PLCD4: variants seen among roughly 807,000 people sequenced by gnomAD.
PLCD4 encodes phospholipase C delta 4.
Under a neutral mutation model 90.2 loss-of-function variants are expected in PLCD4, and 63 were observed. The ratio of observed to expected loss-of-function variants is 0.70; its 90% CI spans 0.57 to 0.86. PLCD4 has a LOEUF of 0.86. PLCD4 is among the 40% of genes least tolerant of loss of function. The pLI is 0.00. For synonymous variants in PLCD4, 294 were observed against 356.5 expected (o/e 0.82, Z 1.97); for missense variants, 830 against 956.3 (o/e 0.87, Z 1.74).
chr2:218,615,004 G>A (rs1184058099), intron 1 of PLCD4, among the ~76,000 whole-genome samples: 4 of 152,122 alleles, frequency 2.6e-5, no homozygotes, highest in Middle Eastern at 3.4e-3. Flanking sequence ...CGAGGTGGGC[G>A]GATCACGAGG....
At chr2:218,620,214 G>A (rs1162625334) in intron 4 of PLCD4, among the ~76,000 whole-genome samples, 3 of 152,078 alleles carry the variant, frequency 2.0e-5, no homozygotes, top group Non-Finnish European at 4.4e-5. Context: ...AATTAGCCAG[G>A]TGTGGCCAGG....
At chr2:218,625,131 AAGAAAGAAAGAAAG>A (rs1696058195) in intron 6 of PLCD4, among the ~76,000 whole-genome samples, 6 of 146,894 alleles carry the variant, frequency 4.1e-5, no homozygotes, top group African/African-American at 1.3e-4. Flanking sequence ...AAAAAAAAAA[AAGAAAGAAAGAAAG>A]AAAAAAGAAA....
chr2:218,621,221 C>T (rs13026613), intron 4 of PLCD4, among the ~76,000 whole-genome samples: 6,239 of 152,290 alleles, frequency 0.041, 169 homozygotes, highest in East Asian at 0.12. Flanking sequence ...CACGAGCCAT[C>T]GCGTCTGGCC....
intron 5 of PLCD4, 60 bp downstream of exon 5, chr2:218,621,659 A>G: frequency 6.2e-7 from 1 of 1,601,788 alleles, no homozygotes; most frequent in Non-Finnish European, 8.5e-7. Flanking sequence ...TTTGGCCAGA[A>G]GTCCTCTGAC....
chr2:218,621,071 A>G (rs1406875879), intron 4 of PLCD4, among the ~76,000 whole-genome samples: 1 of 152,140 alleles, frequency 6.6e-6, no homozygotes, highest in Non-Finnish European at 1.5e-5. Flanking sequence ...CTGGAACGAC[A>G]GGTGTGTGCT....
intron 4 of PLCD4, among the ~76,000 whole-genome samples, chr2:218,620,815 A>C (rs1695837941): frequency 7.1e-6 from 1 of 141,346 alleles, no homozygotes; most frequent in Non-Finnish European, 1.5e-5. Flanking sequence ...AATCTCTTGG[A>C]CCCAGGAGAT....
intron 4 of PLCD4, 163 bp downstream of exon 4, chr2:218,618,970 A>C (rs1234725522): frequency 1.6e-6 from 1 of 629,090 alleles, no homozygotes; most frequent in East Asian, 2.8e-5. Flanking sequence ...GAGACTGAGA[A>C]TACTGAGGGA....
intron 1 of PLCD4, among the ~76,000 whole-genome samples, chr2:218,608,783 T>A (rs1269428583): frequency 6.6e-6 from 1 of 152,146 alleles, no homozygotes; most frequent in Non-Finnish European, 1.5e-5. Flanking sequence ...GGGCTAAGGA[T>A]CTCAATTTCA....
At chr2:218,621,635 A>G in intron 5 of PLCD4, 36 bp downstream of exon 5, 1 of 1,612,228 alleles carries the variant, frequency 6.2e-7, no homozygotes, top group Non-Finnish European at 8.5e-7. Context: ...GCGGCCAACC[A>G]GGCCACATTT....
chr2:218,624,956 C>A (rs2106143769), intron 6 of PLCD4, among the ~76,000 whole-genome samples: 1 of 150,774 alleles, frequency 6.6e-6, no homozygotes, highest in South Asian at 2.1e-4. Flanking sequence ...ACTAAAAACA[C>A]AAAAAATTAG....
At chr2:218,610,150 A>G (rs1022189717) in intron 1 of PLCD4, among the ~76,000 whole-genome samples, 12 of 152,074 alleles carry the variant, frequency 7.9e-5, no homozygotes, top group African/African-American at 2.9e-4. Context: ...AATTTTTTTT[A>G]TAGTGAACTG....
intron 4 of PLCD4, among the ~76,000 whole-genome samples, chr2:218,620,106 C>T (rs1410967048): frequency 1.3e-5 from 2 of 152,126 alleles, no homozygotes; most frequent in Non-Finnish European, 2.9e-5. Context: ...TCTCTAACTC[C>T]TGGGCTCAAG....
Position 218,634,334 on chromosome 2 carries a change from A to C in PLCD4, c.1723+113A>C. The C allele has an allele frequency of 6.4e-7, 1 of 1,573,604 alleles. No individual in the cohort carries two copies. Among genetic ancestry groups the C allele is most frequent in the Non-Finnish European group, 8.6e-7 (1 of 1,158,080 alleles). ...CTCAAGAAAATTGCTAGGCTGAGAA[A>C]TGCTATCAGTGGATATTACCAGCAG... On this transcript the variant is annotated intron_variant, in intron 12 of 15. Transcript: ENST00000450993. This position sits in a 1 kb window ranked among gnomAD's most constrained non-coding sequence, Gnocchi z 4.0.
At position 218,622,818 on chromosome 2, in the gene PLCD4, A is replaced by G. The variant is rs1407974596; in HGVS notation, c.712A>G (p.Arg238Gly). The change falls in exon 6 of 16, where the codon AGA becomes GGA. Residue 238 changes from arginine to glycine, a missense_variant. By Grantham distance (125) the Arg-to-Gly change is moderately radical (BLOSUM62 -2). Coordinates refer to ENST00000450993, the MANE Select transcript of PLCD4 (RefSeq NM_032726.4). ...TTTCCTCCAAGAGGAGCAGAAGGAGAGAGACTGCACCTCTGAGCTTGCTCT... is the reference window on the plus strand; with the variant it reads ...TTTCCTCCAAGAGGAGCAGAAGGAGGGAGACTGCACCTCTGAGCTTGCTCT... The part of the protein sequence containing the change: ...LDFLQEEQKE[R>G]DCTSELALEL... The G allele has an allele frequency of 1.2e-6, 2 of 1,613,880 alleles. No individual in the cohort carries two copies. Among genetic ancestry groups the G allele is most frequent in the Non-Finnish European group, 1.7e-6 (2 of 1,179,892 alleles).
At chr2:218,622,159 C>T (rs1338532030) in intron 5 of PLCD4, 2 of 153,556 alleles carry the variant, frequency 1.3e-5, no homozygotes, top group African/African-American at 4.8e-5. Flanking sequence ...TATGTTGGAC[C>T]TCAAGGACCT....
At chr2:218,633,486 G>A in intron 10 of PLCD4, 119 bp from the exon 11 acceptor site, 1 of 1,202,232 alleles carries the variant, frequency 8.3e-7, no homozygotes, top group African/African-American at 1.5e-5. Flanking sequence ...CGGCAGGTGA[G>A]GCAGGAGGGA....
chr2:218,611,629 C>T (rs1281661063), intron 1 of PLCD4, among the ~76,000 whole-genome samples: 1 of 152,150 alleles, frequency 6.6e-6, no homozygotes, highest in Non-Finnish European at 1.5e-5. Flanking sequence ...GAGAGAGTCT[C>T]ACTCCGTCAC....
At chr2:218,636,138 G>T in intron 14 of PLCD4, 105 bp from the exon 15 acceptor site, 2 of 1,417,060 alleles carry the variant, frequency 1.4e-6, no homozygotes, top group South Asian at 1.3e-5. Flanking sequence ...TTCCTTACCT[G>T]TAAAATGCTG....
Position 218,634,278 on chromosome 2 carries a change from A to T in PLCD4, c.1723+57A>T. ...GTGGAGGAGCAGCAGGTGGGAAATAAGTTCTCTAGTGATGGTAGGGTTGGG... is the reference window on the plus strand; with the variant it reads ...GTGGAGGAGCAGCAGGTGGGAAATATGTTCTCTAGTGATGGTAGGGTTGGG... On this transcript the variant is annotated intron_variant, in intron 12 of 15. Transcript: ENST00000450993. The surrounding 1 kb of genome is among the most constrained non-coding windows in gnomAD (Gnocchi z 4.0). 1 of 1,576,884 alleles carries T rather than the reference A, an allele frequency of 6.3e-7. No homozygotes were observed. The highest frequency in any genetic ancestry group is 1.1e-5 in the South Asian group (1 of 86,958).
Sources: allele counts gnomAD v4.1 joint callset (sites outside exome capture counted in the v4.1 genomes callset), GRCh38; gene constraint gnomAD v4.1.1; non-coding constraint Gnocchi (gnomAD v3.1); transcripts MANE v1.5; gene names NCBI Gene and HGNC (gene_info 2026-07-23, HGNC 2026-07-21).